The following RRAS2 variants were observed in gnomAD, a reference collection of about 807,000 sequenced individuals.
RRAS2 encodes the protein RAS related 2.
RRAS2 carries 7 observed loss-of-function variants against 27.6 expected under a neutral mutation model. That is an observed-to-expected ratio of 0.25 (90% CI 0.14 to 0.48). RRAS2 has a LOEUF of 0.48. Among genes scored for constraint, RRAS2 ranks in the 20% least tolerant of loss-of-function variants. The probability of loss-of-function intolerance (pLI) is 0.99; values close to 1 mark genes in which losing one functional copy is unlikely to be tolerated. For synonymous variants in RRAS2, 86 were observed against 90.9 expected (o/e 0.95, Z 0.31); for missense variants, 178 against 256.2 (o/e 0.69, Z 2.08).
At chr11:14,307,935 GAAAT>G (rs1554948354) in intron 1 of RRAS2, among the ~76,000 whole-genome samples, 1 of 152,028 alleles carries the variant, frequency 6.6e-6, no homozygotes, top group African/African-American at 2.4e-5. Context: ...GCACATATAA[GAAAT>G]GATATGTACA....
chr11:14,298,186 A>T (rs1422065373), intron 1 of RRAS2, among the ~76,000 whole-genome samples: 1 of 152,206 alleles, frequency 6.6e-6, no homozygotes, highest in East Asian at 1.9e-4. Context: ...ATTTCTTGAA[A>T]CATGTTTCCC....
chr11:14,318,253 C>T (rs1376023260), intron 1 of RRAS2, among the ~76,000 whole-genome samples: 1 of 152,164 alleles, frequency 6.6e-6, no homozygotes, highest in Admixed American at 6.5e-5. Context: ...AATCCCAGCA[C>T]TTTGGGAGGC....
chr11:14,298,135 A>G (rs1261501058), intron 1 of RRAS2, among the ~76,000 whole-genome samples: 2 of 152,182 alleles, frequency 1.3e-5, no homozygotes, highest in Non-Finnish European at 2.9e-5. Context: ...AGTCTTTCAC[A>G]AGCAAATTGG....
chr11:14,322,396 C>T (rs890252744), intron 1 of RRAS2, among the ~76,000 whole-genome samples: 2 of 151,722 alleles, frequency 1.3e-5, no homozygotes, highest in Non-Finnish European at 2.9e-5. Context: ...GCTGAGACAG[C>T]GTCACTGCAC....
chr11:14,292,356 T>A (rs1847421227), intron 4 of RRAS2, among the ~76,000 whole-genome samples: 1 of 152,110 alleles, frequency 6.6e-6, no homozygotes. Flanking sequence ...TTGAGAAAGA[T>A]CCTATTTCTA....
chr11:14,355,317 A>T (rs1274430991), intron 1 of RRAS2, among the ~76,000 whole-genome samples: 1 of 152,200 alleles, frequency 6.6e-6, no homozygotes, highest in Non-Finnish European at 1.5e-5. Flanking sequence ...CCACACACCC[A>T]GCAGTCTCTC....
chr11:14,302,107 CACA>C (rs1554947507), intron 1 of RRAS2, among the ~76,000 whole-genome samples: 3 of 136,222 alleles, frequency 2.2e-5, no homozygotes, highest in African/African-American at 7.8e-5. Context: ...CACACACACA[CACA>C]CCAAAAACCA....
intron 1 of RRAS2, among the ~76,000 whole-genome samples, chr11:14,334,085 T>C (rs1384004724): frequency 6.6e-6 from 1 of 152,228 alleles, no homozygotes; most frequent in Non-Finnish European, 1.5e-5. Flanking sequence ...TATAGGAAAT[T>C]ACTTCATCAG....
At chr11:14,307,787 G>A (rs1027611337) in intron 1 of RRAS2, among the ~76,000 whole-genome samples, 2 of 151,940 alleles carry the variant, frequency 1.3e-5, no homozygotes, top group Non-Finnish European at 2.9e-5. Flanking sequence ...GAAAAGTAAA[G>A]TCGTTTCATT....
At chr11:14,348,735 T>A (rs1428572360) in intron 1 of RRAS2, among the ~76,000 whole-genome samples, 1 of 152,168 alleles carries the variant, frequency 6.6e-6, no homozygotes, top group Non-Finnish European at 1.5e-5. Flanking sequence ...TCCAAGCATA[T>A]TTTGTATTTT....
chr11:14,298,282 T>C (rs556022856), intron 1 of RRAS2, among the ~76,000 whole-genome samples: 64 of 152,344 alleles, frequency 4.2e-4, no homozygotes, highest in African/African-American at 1.5e-3. Context: ...CTGTCCCTAC[T>C]GATTTGGCCT....
intron 1 of RRAS2, among the ~76,000 whole-genome samples, chr11:14,311,108 G>C (rs1282960991): frequency 6.6e-6 from 1 of 152,200 alleles, no homozygotes; most frequent in African/African-American, 2.4e-5. Flanking sequence ...AACACTTTGG[G>C]AGGTCAAGGT....
intron 1 of RRAS2, among the ~76,000 whole-genome samples, chr11:14,317,781 G>A (rs1408036108): frequency 1.3e-5 from 2 of 152,072 alleles, no homozygotes; most frequent in Non-Finnish European, 1.5e-5. Flanking sequence ...ATGTACAAAG[G>A]GGAGCTGAGC....
In RRAS2 at chr11:14,358,890, G is replaced by A. The variant is rs555901595; in HGVS notation, c.-20C>T. On this transcript the variant is annotated 5_prime_UTR_variant, in exon 1 of 6. Coordinates refer to ENST00000256196, the MANE Select transcript of RRAS2 (RefSeq NM_012250.6). This position sits in a 1 kb window ranked among gnomAD's most constrained non-coding sequence, Gnocchi z 5.1. ...GGCCATGGGGACGCTACAGAGCCCA[G>A]CCTGACTGCGCCGAGCCGCCGCTGC... is the stretch of plus-strand genomic sequence containing the variant. The A allele has an allele frequency of 1.5e-6, 2 of 1,375,592 alleles. No individual in the cohort carries two copies. Among genetic ancestry groups the A allele is most frequent in the African/African-American group, 1.5e-5 (1 of 66,924 alleles). The allele number at this position is 1,375,592 out of a possible 1,614,324, so 85.2% of individuals were successfully genotyped here.
At position 14,357,216 on chromosome 11, in the gene RRAS2, T is replaced by C. The variant is rs868977617; in HGVS notation, c.108+1547A>G. Among the ~76,000 whole-genome samples, 6 of 152,228 alleles carry C rather than the reference T, an allele frequency of 3.9e-5. No individual in the cohort carries two copies. The South Asian group carries it at 1.0e-3, about 26-fold the overall frequency. ...CTCAAAAAAACGTAAATATTTGTGG[T>C]TCAAATCTTTTAAATAACACTACCA... On this transcript the variant is annotated intron_variant, in intron 1 of 5. Transcript: ENST00000256196.
At chr11:14,353,552 G>C (rs1275712687) in intron 1 of RRAS2, among the ~76,000 whole-genome samples, 1 of 151,042 alleles carries the variant, frequency 6.6e-6, no homozygotes, top group Non-Finnish European at 1.5e-5. Flanking sequence ...TCACGCCATT[G>C]CACCACTGCA....
At position 14,294,874 on chromosome 11, in the gene RRAS2, A is replaced by G. The variant is rs1475480563; in HGVS notation, c.197-12T>C. 1 of 1,607,962 alleles carries G rather than the reference A, an allele frequency of 6.2e-7. No individual in the cohort carries two copies. Among genetic ancestry groups the G allele is most frequent in the Non-Finnish European group, 8.5e-7 (1 of 1,175,136 alleles). On this transcript the variant is annotated splice_polypyrimidine_tract_variant and intron_variant, in intron 2 of 5. Transcript: ENST00000256196. ...TGCTGTATCCAAAACTAAAGAAAAA[A>G]CAACAAATGTAATTATACTTGTTTT...
intron 1 of RRAS2, among the ~76,000 whole-genome samples, chr11:14,332,846 G>T (rs191536479): frequency 1.3e-5 from 2 of 152,066 alleles, no homozygotes; most frequent in Admixed American, 6.5e-5. Context: ...GAAAAAAAAT[G>T]CAACAGTAAA....
intron 1 of RRAS2, among the ~76,000 whole-genome samples, chr11:14,354,838 G>A (rs761383302): frequency 3.9e-4 from 59 of 151,812 alleles, no homozygotes; most frequent in Non-Finnish European, 6.6e-4. Flanking sequence ...CAACACGCCC[G>A]GCTAATTTTT....
Sources: gnomAD v4.1 joint callset for allele counts (sites outside exome capture counted in the v4.1 genomes callset) on GRCh38, gnomAD v4.1.1 for gene constraint, Gnocchi (gnomAD v3.1) non-coding constraint, MANE v1.5 for transcripts, NCBI Gene and HGNC (gene_info 2026-07-23, HGNC 2026-07-21) for gene names.